Variants in LDHC observed in about 807,000 individuals in gnomAD.
LDHC encodes L-lactate dehydrogenase C chain.
LDHC carries 20 observed loss-of-function variants against 30.2 expected under a neutral mutation model. That is an observed-to-expected ratio of 0.66 (90% confidence interval 0.47 to 0.96). The LOEUF (loss-of-function observed/expected upper bound fraction) is 0.96. LDHC is among the 40% of genes least tolerant of loss of function. LDHC has a pLI of 0.00. For synonymous variants in LDHC, 139 were observed against 132.7 expected, an observed-to-expected ratio of 1.05 and a Z score of -0.32; for missense variants, 362 against 394.9, an observed-to-expected ratio of 0.92 and a Z score of 0.71.
chr11:18,441,497 C>T (rs1304094492), intron 6 of LDHC, among the ~76,000 whole-genome samples: 4 of 151,624 alleles, frequency 2.6e-5, no homozygotes, highest in Admixed American at 6.6e-5. Context: ...TTAGTAGAAA[C>T]GGGGTTTCAC....
chr11:18,414,495 A>G (rs1408927941), intron 2 of LDHC, among the ~76,000 whole-genome samples: 3 of 152,174 alleles, frequency 2.0e-5, no homozygotes, highest in Non-Finnish European at 4.4e-5. Context: ...TACTAAAAGC[A>G]GCTTTAGCCA....
At chr11:18,421,710 T>C (rs2134050665) in intron 3 of LDHC, among the ~76,000 whole-genome samples, 1 of 152,164 alleles carries the variant, frequency 6.6e-6, no homozygotes, top group Admixed American at 6.5e-5. Flanking sequence ...GATCTCGCTA[T>C]GTTGCCCAGG....
In LDHC at chr11:18,415,173, G is replaced by A. The variant is rs774208216; in HGVS notation, c.127-11G>A. 4 of 1,495,360 alleles carry A rather than the reference G, an allele frequency of 2.7e-6. No homozygotes were observed. Among genetic ancestry groups the A allele is most frequent in the Non-Finnish European group, 2.8e-6 (3 of 1,082,168 alleles). 92.6% of individuals were successfully genotyped at this position (1,495,360 alleles called of 1,614,324 possible). A position where few individuals can be genotyped will look rare whatever the true frequency, so the allele number is the denominator to read the frequency against. On this transcript the variant is annotated splice_polypyrimidine_tract_variant and intron_variant, in intron 2 of 7. Coordinates refer to ENST00000541669, the MANE Select transcript of LDHC (RefSeq NM_017448.5). ...TAGGAACATTTTATTCAGAACTTTTGTATATTTTAGGATTTGGCTGATGAA... is the reference window on the plus strand; with the variant it reads ...TAGGAACATTTTATTCAGAACTTTTATATATTTTAGGATTTGGCTGATGAA...
rs975905072 is a variant in LDHC at position 18,450,796 on chromosome 11, A to G, written c.835-167A>G. ...CACTGAATGTAAGTTCCACATGGTT[A>G]TAGGACATAAGGATGCTCTTGCTTT... On this transcript the variant is annotated intron_variant, in intron 7 of 7. Coordinates refer to ENST00000541669, the MANE Select transcript of LDHC (RefSeq NM_017448.5). 9.4e-6 allele frequency: 5 copies of G among 529,268 alleles called. No homozygotes were observed. The South Asian group carries it at 1.4e-4, about 15-fold the overall frequency. 32.8% of individuals were successfully genotyped at this position (529,268 alleles called of 1,614,324 possible). A position where few individuals can be genotyped will look rare whatever the true frequency, so the allele number is the denominator to read the frequency against.
At chr11:18,424,633 C>A (rs1318667554) in intron 3 of LDHC, among the ~76,000 whole-genome samples, 1 of 152,190 alleles carries the variant, frequency 6.6e-6, no homozygotes, top group African/African-American at 2.4e-5. Context: ...ACTACAGGAA[C>A]ACACATTAAC....
chr11:18,434,720 C>A lies in LDHC; in HGVS notation c.419-20C>A. On this transcript the variant is annotated intron_variant, in intron 4 of 7. Coordinates refer to ENST00000541669, the MANE Select transcript of LDHC (RefSeq NM_017448.5). ...TAAGTTATGATGAATCTTTTTCTAA[C>A]ACAAAATTTTTCTTCTTAGTGGATA... 2.0e-6 allele frequency: 3 copies of A among 1,501,688 alleles called. No individual in the cohort carries two copies. The highest frequency in any genetic ancestry group is 2.7e-6 in the Non-Finnish European group (3 of 1,095,140). 93.0% of individuals were successfully genotyped at this position (1,501,688 alleles called of 1,614,324 possible). A position where few individuals can be genotyped will look rare whatever the true frequency, so the allele number is the denominator to read the frequency against.
At chr11:18,432,427 G>C (rs886555175) in intron 4 of LDHC, among the ~76,000 whole-genome samples, 1 of 152,168 alleles carries the variant, frequency 6.6e-6, no homozygotes, top group Non-Finnish European at 1.5e-5. Flanking sequence ...TGAATAGGAT[G>C]TGTATTCTGT....
rs367772851 is a variant in LDHC, at chr11:18,415,311, A to C, written c.244+10A>C. On this transcript the variant is annotated intron_variant, in intron 3 of 7. Coordinates refer to ENST00000541669, the MANE Select transcript of LDHC (RefSeq NM_017448.5). ...ATTACTTCTGGAAAAGGTTAATTTT[A>C]GTTTTATAAAGTTATTTTCAAAGCT... 2.3e-6 allele frequency: 3 copies of C among 1,287,042 alleles called. No homozygotes were observed. Among genetic ancestry groups the C allele is most frequent in the Non-Finnish European group, 3.3e-6 (3 of 895,584 alleles). 79.7% of individuals were successfully genotyped at this position (1,287,042 alleles called of 1,614,324 possible).
intron 6 of LDHC, among the ~76,000 whole-genome samples, chr11:18,439,427 G>C (rs990186915): frequency 1.3e-5 from 2 of 151,646 alleles, no homozygotes; most frequent in Non-Finnish European, 2.9e-5. Flanking sequence ...GCTCGGTGTG[G>C]TGATGGGCGC....
chr11:18,438,051 A>G (rs1471864271), intron 5 of LDHC, among the ~76,000 whole-genome samples: 1 of 146,804 alleles, frequency 6.8e-6, no homozygotes, highest in Non-Finnish European at 1.5e-5. Flanking sequence ...AGTGAAAAAG[A>G]AAAAAAAAAC....
At chr11:18,447,941 T>C (rs1848582883) in intron 7 of LDHC, among the ~76,000 whole-genome samples, 1 of 150,466 alleles carries the variant, frequency 6.6e-6, no homozygotes, top group African/African-American at 2.5e-5. Flanking sequence ...CCTAGCTACT[T>C]GGGCAGCTGA....
chr11:18,435,312 G>T (rs1848337438), intron 5 of LDHC, among the ~76,000 whole-genome samples: 1 of 152,090 alleles, frequency 6.6e-6, no homozygotes, highest in Non-Finnish European at 1.5e-5. Context: ...GTTGGATCAT[G>T]GAGGCAGGTT....
intron 6 of LDHC, among the ~76,000 whole-genome samples, chr11:18,441,922 A>G (rs758493609): frequency 6.6e-6 from 1 of 152,102 alleles, no homozygotes; most frequent in Non-Finnish European, 1.5e-5. Flanking sequence ...AAACAAAACA[A>G]AACAACAGTA....
chr11:18,423,763 A>G (rs1848109363), intron 3 of LDHC, among the ~76,000 whole-genome samples: 1 of 152,224 alleles, frequency 6.6e-6, no homozygotes, highest in Non-Finnish European at 1.5e-5. Flanking sequence ...ACAAGCCATA[A>G]ACTGAGAGAA....
At chr11:18,439,654 G>C (rs1018854012) in intron 6 of LDHC, among the ~76,000 whole-genome samples, 1 of 149,364 alleles carries the variant, frequency 6.7e-6, no homozygotes, top group Admixed American at 6.7e-5. Flanking sequence ...CAAGTCTACT[G>C]TATGTATACT....
chr11:18,430,156 CT>C (rs749879956), intron 4 of LDHC, among the ~76,000 whole-genome samples: 11 of 152,162 alleles, frequency 7.2e-5, no homozygotes, highest in African/African-American at 2.4e-4. Context: ...CATTCCACCC[CT>C]GGCCCCATTT....
At chr11:18,441,801 A>C (rs1227150180) in intron 6 of LDHC, among the ~76,000 whole-genome samples, 1 of 151,516 alleles carries the variant, frequency 6.6e-6, no homozygotes, top group Non-Finnish European at 1.5e-5. Context: ...AATCCCAGCT[A>C]TTTGGGAGGC....
At position 18,451,376 on chromosome 11, in the gene LDHC, A is replaced by G; in HGVS notation, c.*249A>G. ...GTAAGTTATACTTCTGAGGTATGTC[A>G]CATATGTTAGAGTGCCTTCAGATGT... On this transcript the variant is annotated 3_prime_UTR_variant, in exon 8 of 8. Coordinates refer to ENST00000541669, the MANE Select transcript of LDHC (RefSeq NM_017448.5). 4.0e-6 allele frequency: 1 copy of G among 253,160 alleles called. No homozygotes were observed. Among genetic ancestry groups the G allele is most frequent in the Non-Finnish European group, 7.4e-6 (1 of 136,018 alleles). 15.7% of individuals were successfully genotyped at this position (253,160 alleles called of 1,614,324 possible). A position where few individuals can be genotyped will look rare whatever the true frequency, so the allele number is the denominator to read the frequency against.
At chr11:18,414,521 T>A (rs1305736777) in intron 2 of LDHC, among the ~76,000 whole-genome samples, 1 of 151,870 alleles carries the variant, frequency 6.6e-6, no homozygotes, top group South Asian at 2.1e-4. Flanking sequence ...GAAATTAGGG[T>A]TAAGGTTAAA....
Sources: allele counts gnomAD v4.1 joint callset (sites outside exome capture counted in the v4.1 genomes callset), GRCh38; gene constraint gnomAD v4.1.1; transcripts MANE v1.5; gene names NCBI Gene and HGNC (gene_info 2026-07-23, HGNC 2026-07-21).